RABGAP1: variants seen among roughly 807,000 people sequenced by gnomAD.
RABGAP1 encodes RAB GTPase activating protein 1, also known as rab GTPase-activating protein 1.
RABGAP1 carries 23 observed loss-of-function variants against 137.6 expected under a neutral mutation model. The observed-to-expected ratio is 0.17, with a 90% CI of 0.12 to 0.24. The LOEUF is 0.24. Among genes scored for constraint, RABGAP1 ranks in the 10% least tolerant of loss-of-function variants. The pLI is 1.00. For synonymous variants in RABGAP1, 451 were observed against 450.7 expected, an observed-to-expected ratio of 1.00 and a Z score of -0.01; for missense variants, 906 against 1,275.8, an observed-to-expected ratio of 0.71 and a Z score of 4.42.
chr9:122,967,289 G>T (rs1254996148), intron 2 of RABGAP1, among the ~76,000 whole-genome samples: 1 of 152,158 alleles, frequency 6.6e-6, no homozygotes, highest in Non-Finnish European at 1.5e-5. Flanking sequence ...AGATCAGAAA[G>T]AAGTGGAAAT....
chr9:123,072,695 C>T (rs2132146284), intron 15 of RABGAP1, among the ~76,000 whole-genome samples: 1 of 152,308 alleles, frequency 6.6e-6, no homozygotes, highest in East Asian at 1.9e-4. Context: ...TCTTAACTTA[C>T]CAGTAATGAT....
At chr9:122,983,428 CTT>C (rs1180696627) in intron 2 of RABGAP1, among the ~76,000 whole-genome samples, 1 of 152,118 alleles carries the variant, frequency 6.6e-6, no homozygotes, top group African/African-American at 2.4e-5. Flanking sequence ...GCAAAAAAGA[CTT>C]GTCTTTTTCT....
At chr9:123,099,332 C>T (rs2035274033) in intron 23 of RABGAP1, 146 bp from the exon 24 acceptor site, 1 of 701,776 alleles carries the variant, frequency 1.4e-6, no homozygotes. Context: ...CCCTGCTTAT[C>T]CATCGACTTC....
Position 123,103,360 on chromosome 9 carries a change from G to A in RABGAP1, c.*147G>A. 1 of 1,293,218 alleles carries A rather than the reference G, an allele frequency of 7.7e-7. No homozygotes were observed. Among genetic ancestry groups the A allele is most frequent in the Non-Finnish European group, 1.0e-6 (1 of 953,240 alleles). 80.1% of individuals were successfully genotyped at this position (1,293,218 alleles called of 1,614,324 possible). ...CGCATGTTGGTAGGTCACTGGACCAGAGCTTGTGAAGCAGGCAACCTCTGG... is the reference window on the plus strand; with the variant it reads ...CGCATGTTGGTAGGTCACTGGACCAAAGCTTGTGAAGCAGGCAACCTCTGG... On this transcript the variant is annotated 3_prime_UTR_variant, in exon 26 of 26. Coordinates refer to ENST00000373647, the MANE Select transcript of RABGAP1 (RefSeq NM_012197.4).
chr9:122,989,772 T>C, intron 5 of RABGAP1: 1 of 516,162 alleles, frequency 1.9e-6, no homozygotes, highest in South Asian at 2.7e-5. Flanking sequence ...TCAAAACTTG[T>C]TAGGACTGTT....
intron 6 of RABGAP1, among the ~76,000 whole-genome samples, chr9:122,991,763 TG>T (rs1322590905): frequency 1.3e-5 from 2 of 151,716 alleles, no homozygotes; most frequent in Non-Finnish European, 2.9e-5. Flanking sequence ...CCACTATGTC[TG>T]GCTAATTTTT....
At chr9:123,063,313 G>A (rs947304753) in intron 13 of RABGAP1, 3 of 152,742 alleles carry the variant, frequency 2.0e-5, no homozygotes, top group African/African-American at 7.2e-5. Flanking sequence ...AAATTCATCT[G>A]ATTCTCTCTG....
At chr9:122,967,208 C>G (rs1005151952) in intron 2 of RABGAP1, among the ~76,000 whole-genome samples, 19 of 152,088 alleles carry the variant, frequency 1.2e-4, no homozygotes, top group Non-Finnish European at 2.9e-5. Context: ...CTTGGGGATC[C>G]TCAAGAATAA....
intron 6 of RABGAP1, among the ~76,000 whole-genome samples, chr9:122,991,238 T>C (rs1836707689): frequency 6.6e-6 from 1 of 152,078 alleles, no homozygotes; most frequent in African/African-American, 2.4e-5. Context: ...TTTCTCACTT[T>C]AAAATTTTAT....
At chr9:122,965,664 G>T (rs971276678) in intron 2 of RABGAP1, among the ~76,000 whole-genome samples, 41 of 152,308 alleles carry the variant, frequency 2.7e-4, no homozygotes, top group African/African-American at 7.2e-4. Context: ...GATTACAGGC[G>T]TGAGCCACCA....
At chr9:122,943,960 AAAG>A (rs939203612) in intron 1 of RABGAP1, among the ~76,000 whole-genome samples, 8 of 152,328 alleles carry the variant, frequency 5.3e-5, no homozygotes, top group South Asian at 2.1e-4. Flanking sequence ...CTCAAAAAAA[AAAG>A]AAGTTTTTGT....
chr9:123,020,550 T>G (rs639684), intron 13 of RABGAP1, 91 bp downstream of exon 13: 1 of 1,210,938 alleles, frequency 8.3e-7, no homozygotes, highest in Non-Finnish European at 1.1e-6. Flanking sequence ...TAAGAAGTGT[T>G]TATTATTAAT....
chr9:123,005,323 A>G (rs1004277572), intron 10 of RABGAP1, among the ~76,000 whole-genome samples: 1 of 151,472 alleles, frequency 6.6e-6, no homozygotes, highest in African/African-American at 2.4e-5. Flanking sequence ...AATATATAAA[A>G]TACTTATAAA....
At chr9:123,015,241 G>C (rs1285028321) in intron 11 of RABGAP1, among the ~76,000 whole-genome samples, 1 of 149,064 alleles carries the variant, frequency 6.7e-6, no homozygotes, top group East Asian at 2.0e-4. Context: ...TGGAAAATGA[G>C]AGAAAATACC....
At chr9:122,977,244 A>G (rs569744076) in intron 2 of RABGAP1, among the ~76,000 whole-genome samples, 1 of 152,328 alleles carries the variant, frequency 6.6e-6, no homozygotes, top group Admixed American at 6.5e-5. Context: ...ACGTAAAATG[A>G]AAGAGGTTGT....
At chr9:122,948,797 A>G (rs1392436602) in intron 1 of RABGAP1, among the ~76,000 whole-genome samples, 7 of 152,208 alleles carry the variant, frequency 4.6e-5, no homozygotes, top group African/African-American at 1.4e-4. Context: ...ATCCATGTCC[A>G]CATCCCCAGT....
At chr9:123,032,396 G>A (rs980119642) in intron 13 of RABGAP1, among the ~76,000 whole-genome samples, 3 of 152,120 alleles carry the variant, frequency 2.0e-5, no homozygotes, top group Non-Finnish European at 4.4e-5. Flanking sequence ...CACACACTTC[G>A]CTCTGTTTCC....
chr9:122,983,098 G>A lies in RABGAP1; in HGVS notation c.151-1387G>A, dbSNP rs181124206. The stretch of plus-strand genomic sequence containing the variant: ...GCCCAGGCTGGTCTCGAACTCCTGA[G>A]GTCAAGCAGTCTGTCCACCTCAGCC... On this transcript the variant is annotated intron_variant, in intron 2 of 25. Coordinates refer to ENST00000373647, the MANE Select transcript of RABGAP1 (RefSeq NM_012197.4). Among the ~76,000 whole-genome samples, 12 of 151,786 alleles carry A rather than the reference G, an allele frequency of 7.9e-5. No individual in the cohort carries two copies. In the East Asian group the frequency reaches 2.3e-3, roughly 30 times the overall value.
chr9:123,017,591 A>G (rs141755516), intron 12 of RABGAP1, among the ~76,000 whole-genome samples: 4 of 152,168 alleles, frequency 2.6e-5, no homozygotes, highest in African/African-American at 7.2e-5. Context: ...TTCAAATTCT[A>G]CCTCTCCTAC....
Sources: gnomAD v4.1 joint callset for allele counts (sites outside exome capture counted in the v4.1 genomes callset) on GRCh38, gnomAD v4.1.1 for gene constraint, MANE v1.5 for transcripts, NCBI Gene and HGNC (gene_info 2026-07-23, HGNC 2026-07-21) for gene names.